CALN1: variants seen among roughly 807,000 people sequenced by gnomAD.
The protein encoded by CALN1 is calneuron 1.
A neutral mutation model predicts 30.6 loss-of-function variants in CALN1; 17 were observed. That is an observed-to-expected ratio of 0.56 (90% CI 0.38 to 0.83). The LOEUF is 0.83. CALN1 is among the 40% of genes least tolerant of loss of function. The probability of loss-of-function intolerance (pLI) is 0.00; values close to 1 mark genes in which losing one functional copy is unlikely to be tolerated. For missense variants in CALN1, 291 were observed against 354.9 expected (o/e 0.82, Z 1.45); for synonymous variants, 156 against 131.4 (o/e 1.19, Z -1.28).
intron 3 of CALN1, among the ~76,000 whole-genome samples, chr7:72,212,241 C>A (rs139998740): frequency 6.7e-6 from 1 of 150,302 alleles, no homozygotes; most frequent in African/African-American, 2.5e-5. Context: ...CCCAGCTACT[C>A]GGGAGGCTGA....
chr7:72,296,510 TA>T (rs1798871868), intron 2 of CALN1, among the ~76,000 whole-genome samples: 1 of 151,720 alleles, frequency 6.6e-6, no homozygotes, highest in Non-Finnish European at 1.5e-5. Flanking sequence ...TTTTGGTTGG[TA>T]AACTATTGAT....
chr7:72,416,028 G>C (rs529318684), upstream of CALN1, among the ~76,000 whole-genome samples: 4 of 152,126 alleles, frequency 2.6e-5, no homozygotes, highest in Non-Finnish European at 4.4e-5. Context: ...TGCTTGTACC[G>C]TTCCCTTCGC....
intron 3 of CALN1, among the ~76,000 whole-genome samples, chr7:72,277,955 C>T (rs1211522493): frequency 7.1e-6 from 1 of 140,752 alleles, no homozygotes; most frequent in Non-Finnish European, 1.5e-5. Flanking sequence ...TGACCTCAGC[C>T]GATGTAGTAC....
chr7:72,460,541 A>C, the CALN1 span, among the ~76,000 whole-genome samples: 1 of 152,172 alleles, frequency 6.6e-6, no homozygotes, highest in South Asian at 2.1e-4. Flanking sequence ...CTGAGGCACA[A>C]GAATCACTTG....
intron 4 of CALN1, among the ~76,000 whole-genome samples, chr7:72,092,625 T>TAAAAAAA (rs369445548): frequency 1.9e-5 from 2 of 106,280 alleles, no homozygotes; most frequent in African/African-American, 7.3e-5. Flanking sequence ...TGTATTCTAG[T>TAAAAAAA]AAAAAAAAAA....
At chr7:72,369,378 T>TGTTC (rs1562927741) in intron 2 of CALN1, among the ~76,000 whole-genome samples, 1 of 150,952 alleles carries the variant, frequency 6.6e-6, no homozygotes, top group Non-Finnish European at 1.5e-5. Context: ...GTTGTTTGTT[T>TGTTC]TTGAGATGGA....
intron 3 of CALN1, among the ~76,000 whole-genome samples, chr7:72,245,215 C>T (rs1046201072): frequency 1.3e-5 from 2 of 152,204 alleles, no homozygotes; most frequent in South Asian, 2.1e-4. Context: ...AGCCCAGCCC[C>T]GCCCTGGTAA....
chr7:72,254,199 T>C (rs1196271941), intron 3 of CALN1, among the ~76,000 whole-genome samples: 1 of 152,172 alleles, frequency 6.6e-6, no homozygotes, highest in South Asian at 2.1e-4. Flanking sequence ...TCTTGTGTAG[T>C]GCACTATAGA....
At chr7:72,206,127 G>C (rs1039288615) in intron 3 of CALN1, among the ~76,000 whole-genome samples, 8 of 152,140 alleles carry the variant, frequency 5.3e-5, no homozygotes, top group African/African-American at 1.9e-4. Flanking sequence ...TTTGAATAAC[G>C]TAATGGGCTC....
At chr7:72,034,375 A>C (rs1335989451) in intron 4 of CALN1, among the ~76,000 whole-genome samples, 1 of 151,340 alleles carries the variant, frequency 6.6e-6, no homozygotes, top group Non-Finnish European at 1.5e-5. Context: ...AAAAAAGAAA[A>C]GAAAAGAAAC....
At chr7:72,033,927 T>C (rs1288773986) in intron 4 of CALN1, among the ~76,000 whole-genome samples, 1 of 151,968 alleles carries the variant, frequency 6.6e-6, no homozygotes, top group African/African-American at 2.4e-5. Context: ...AGGATGGGGA[T>C]TGGAGAAGTC....
intron 4 of CALN1, among the ~76,000 whole-genome samples, chr7:72,100,391 A>G (rs1326051292): frequency 6.6e-6 from 1 of 152,052 alleles, no homozygotes; most frequent in Non-Finnish European, 1.5e-5. Flanking sequence ...TGTGTTGCCC[A>G]GACCGGTCTT....
chr7:71,979,260 A>G (rs1028810647), intron 5 of CALN1, among the ~76,000 whole-genome samples: 4 of 152,220 alleles, frequency 2.6e-5, no homozygotes, highest in African/African-American at 7.2e-5. Context: ...CAAGCACATT[A>G]TATTTATTGT....
intron 3 of CALN1, among the ~76,000 whole-genome samples, chr7:72,177,110 G>A (rs1045272686): frequency 6.6e-6 from 1 of 152,118 alleles, no homozygotes; most frequent in African/African-American, 2.4e-5. Context: ...ATCCTTAAAA[G>A]TGATGACAAA....
At chr7:72,024,624 C>G (rs994464156) in intron 4 of CALN1, among the ~76,000 whole-genome samples, 1 of 152,082 alleles carries the variant, frequency 6.6e-6, no homozygotes, top group Non-Finnish European at 1.5e-5. Context: ...GCCTCAAACT[C>G]CTGACCTCAA....
intron 1 of CALN1, among the ~76,000 whole-genome samples, chr7:72,409,822 C>T (rs1163187075): frequency 1.3e-5 from 2 of 152,082 alleles, no homozygotes; most frequent in Admixed American, 6.5e-5. Context: ...CGTTCCCTCC[C>T]TTTTAACCAC....
chr7:72,070,616 C>T (rs987961917), intron 4 of CALN1, among the ~76,000 whole-genome samples: 3 of 152,166 alleles, frequency 2.0e-5, no homozygotes, highest in East Asian at 3.8e-4. Context: ...TTTATTGTGG[C>T]TTTATGAATT....
chr7:72,275,133 G>A (rs966080975), intron 3 of CALN1, among the ~76,000 whole-genome samples: 2 of 151,968 alleles, frequency 1.3e-5, no homozygotes, highest in African/African-American at 4.8e-5. Flanking sequence ...CTGCAGGGTG[G>A]GGAGCTTGAC....
At chr7:71,850,920 C>T (rs1215580968) in intron 5 of CALN1, among the ~76,000 whole-genome samples, 2 of 152,068 alleles carry the variant, frequency 1.3e-5, no homozygotes, top group Admixed American at 6.6e-5. Context: ...ATTAAATATG[C>T]ATGCAATATT....
Sources: gnomAD v4.1 joint callset for allele counts (sites outside exome capture counted in the v4.1 genomes callset) on GRCh38, gnomAD v4.1.1 for gene constraint, MANE v1.5 for transcripts, NCBI Gene and HGNC (gene_info 2026-07-23, HGNC 2026-07-21) for gene names.